The following DNAAF1 variants were observed in gnomAD, a reference collection of about 807,000 sequenced individuals.
DNAAF1 encodes dynein assembly factor 1, axonemal.
DNAAF1 carries 65 observed loss-of-function variants against 71.1 expected under a neutral mutation model. That is an observed-to-expected ratio of 0.91 (90% CI 0.75 to 1.12). DNAAF1 has a LOEUF of 1.12. DNAAF1 is among the 50% of genes most tolerant of loss of function. DNAAF1 has a pLI of 0.00. For synonymous variants in DNAAF1, 414 were observed against 354.6 expected (o/e 1.17, Z -1.88); for missense variants, 1,178 against 899.8 (o/e 1.31, Z -3.96).
intron 3 of DNAAF1, among the ~76,000 whole-genome samples, chr16:84,152,184 A>G (rs2151214774): frequency 6.6e-6 from 1 of 152,338 alleles, no homozygotes; most frequent in South Asian, 2.1e-4. Flanking sequence ...AGGGGAGAGC[A>G]ACAAGTTGGA....
In DNAAF1 at chr16:84,176,125, A is replaced by G. The variant is rs202145955; in HGVS notation, c.1891A>G (p.Arg631Gly). 2.2e-5 allele frequency: 36 copies of G among 1,613,980 alleles called. No individual in the cohort carries two copies. The highest frequency in any genetic ancestry group is 6.8e-6 in the Non-Finnish European group (8 of 1,179,968). Residue 631 changes from arginine to glycine, a missense_variant, in exon 11 of 12, where the codon AGG becomes GGG. Arg to Gly is a moderately radical substitution (Grantham distance 125). Transcript: ENST00000378553. Reference sequence around the variant, plus strand: ...AGACATCTTTAAAAAAGAAGCTAAGAGGGACTTGGAAATCCGAAAACAAGA... The same window carrying G: ...AGACATCTTTAAAAAAGAAGCTAAGGGGGACTTGGAAATCCGAAAACAAGA... ...FTDIFKKEAK[R>G]DLEIRKQDTK...
intron 11 of DNAAF1, chr16:84,177,176 GCCT>G: frequency 5.4e-6 from 1 of 185,808 alleles, no homozygotes; most frequent in South Asian, 1.1e-4. Flanking sequence ...ACACTGAGTG[GCCT>G]TCTCTTCCAC....
intron 1 of DNAAF1, among the ~76,000 whole-genome samples, chr16:84,148,658 G>C (rs2087040855): frequency 8.0e-6 from 1 of 125,150 alleles, no homozygotes; most frequent in Non-Finnish European, 1.6e-5. Context: ...GAGTACAGTG[G>C]TGTGAACACA....
Position 84,145,653 on chromosome 16 carries a change from T to A in DNAAF1, c.124+89T>A, listed in dbSNP as rs2086864328. ...CCTTCCCACACCACATACCCGATCTTCACAGCCAAATAATAACAATAATAA... is the reference window on the plus strand; with the variant it reads ...CCTTCCCACACCACATACCCGATCTACACAGCCAAATAATAACAATAATAA... On this transcript the variant is annotated intron_variant, in intron 1 of 11. Coordinates refer to ENST00000378553, the MANE Select transcript of DNAAF1 (RefSeq NM_178452.6). The A allele has an allele frequency of 2.1e-6, 3 of 1,436,428 alleles. No homozygotes were observed. The African/African-American group carries it at 4.3e-5, about 20-fold the overall frequency. The allele number at this position is 1,436,428 out of a possible 1,614,324, so 89.0% of individuals were successfully genotyped here. A position where few individuals can be genotyped will look rare whatever the true frequency, so the allele number is the denominator to read the frequency against.
At position 84,170,124 on chromosome 16, in the gene DNAAF1, G is replaced by A. The variant is rs9972733; in HGVS notation, c.1296G>A (p.Glu432=). Reference sequence around the variant, plus strand: ...CGTCACCTGTGGAGGTTAAAGGAGAGGACGGAGATGGAGAGCCAGAGGGGA... The same window carrying A: ...CGTCACCTGTGGAGGTTAAAGGAGAAGACGGAGATGGAGAGCCAGAGGGGA... ...LLSSPVEVKG[E]DGDGEPEGTL... is the part of the protein sequence containing the mutation. The change falls in exon 8 of 12, where the codon GAG becomes GAA. Residue 432 remains glutamate (E), a synonymous_variant. Transcript: ENST00000378553. 6.2e-7 allele frequency: 1 copy of A among 1,605,856 alleles called. No homozygotes were observed. Among genetic ancestry groups the A allele is most frequent in the Admixed American group, 1.7e-5 (1 of 59,526 alleles).
In DNAAF1 at chr16:84,177,793, T is replaced by C. The variant is rs1177484184; in HGVS notation, c.2130T>C (p.Ala710=). The change falls in exon 12 of 12, where the codon GCT becomes GCC. Residue 710 remains alanine, a synonymous_variant. Coordinates refer to ENST00000378553, the MANE Select transcript of DNAAF1 (RefSeq NM_178452.6). ...TCGGAGTTGCCCAGCCCAGCCAAGC[T>C]CTGCCCACGTGGGACCTCACTGCAT... ...TCVGVAQPSQ[A]LPTWDLTAFP... 1 of 1,614,064 alleles carries C rather than the reference T, an allele frequency of 6.2e-7. No homozygotes were observed. Among genetic ancestry groups the C allele is most frequent in the Non-Finnish European group, 8.5e-7 (1 of 1,179,990 alleles).
chr16:84,174,642 T>C, intron 9 of DNAAF1, 27 bp from the exon 10 acceptor site: 1 of 1,614,124 alleles, frequency 6.2e-7, no homozygotes, highest in Non-Finnish European at 8.5e-7. Context: ...ACCTCCCTGG[T>C]GATGTGCGGC....
intron 11 of DNAAF1, chr16:84,176,719 G>A (rs1256788077): frequency 4.8e-5 from 14 of 294,122 alleles, no homozygotes; most frequent in Non-Finnish European, 9.5e-5. Flanking sequence ...CAAGCGAGGT[G>A]ACAGCCACAC....
chr16:84,147,153 C>G (rs1269823943), intron 1 of DNAAF1, among the ~76,000 whole-genome samples: 1 of 152,128 alleles, frequency 6.6e-6, no homozygotes, highest in Non-Finnish European at 1.5e-5. Flanking sequence ...ATTAAATGTC[C>G]CAGCATATAG....
chr16:84,150,326 G>T lies in DNAAF1; in HGVS notation c.336G>T (p.Leu112=). The change falls in exon 3 of 12, where the codon CTG becomes CTT. Residue 112 remains leucine (L), a synonymous_variant. Coordinates refer to ENST00000378553, the MANE Select transcript of DNAAF1 (RefSeq NM_178452.6). ...LYITPALNDT[L]YLHFKGFDRI... Reference sequence around the variant, plus strand: ...TTACCCCAGCATTGAATGATACGCTGTATTTACACTTTAAAGGTAAGGACC... The same window carrying T: ...TTACCCCAGCATTGAATGATACGCTTTATTTACACTTTAAAGGTAAGGACC... 6.2e-7 allele frequency: 1 copy of T among 1,612,662 alleles called. No homozygotes were observed. Among genetic ancestry groups the T allele is most frequent in the African/African-American group, 1.3e-5 (1 of 75,016 alleles).
chr16:84,158,533 T>G (rs1323880292), intron 5 of DNAAF1, among the ~76,000 whole-genome samples: 1 of 152,194 alleles, frequency 6.6e-6, no homozygotes, highest in Non-Finnish European at 1.5e-5. Context: ...AACATGTGAA[T>G]TTTGATTAGG....
At chr16:84,158,507 T>C (rs1010885945) in intron 5 of DNAAF1, among the ~76,000 whole-genome samples, 1 of 152,218 alleles carries the variant, frequency 6.6e-6, no homozygotes, top group African/African-American at 2.4e-5. Flanking sequence ...TCTGAGGTGC[T>C]GAGGGTTTGG....
intron 9 of DNAAF1, chr16:84,173,105 T>G: frequency 1.0e-6 from 1 of 986,240 alleles, no homozygotes; most frequent in Non-Finnish European, 1.2e-6. Context: ...CACTTCCTTG[T>G]TAAACTTCTT....
intron 11 of DNAAF1, chr16:84,177,179 T>G (rs1016520460): frequency 2.0e-4 from 38 of 186,420 alleles, no homozygotes; most frequent in African/African-American, 8.2e-4. Context: ...CTGAGTGGCC[T>G]TCTCTTCCAC....
intron 10 of DNAAF1, 73 bp downstream of exon 10, chr16:84,174,795 C>T: frequency 1.3e-6 from 2 of 1,585,976 alleles, no homozygotes; most frequent in East Asian, 4.5e-5. Flanking sequence ...TACCGTTTCT[C>T]TCCTAAACTT....
intron 3 of DNAAF1, among the ~76,000 whole-genome samples, chr16:84,153,681 G>C (rs1327496949): frequency 6.6e-6 from 1 of 152,166 alleles, no homozygotes; most frequent in Non-Finnish European, 1.5e-5. Context: ...GTTGGTAATA[G>C]TAGGTCAAGG....
chr16:84,152,276 C>G (rs2087220679), intron 3 of DNAAF1, among the ~76,000 whole-genome samples: 1 of 151,984 alleles, frequency 6.6e-6, no homozygotes, highest in African/African-American at 2.4e-5. Context: ...TGTCAGAAAC[C>G]CAAGGGGACA....
At chr16:84,162,462 G>C (rs982210604) in intron 6 of DNAAF1, among the ~76,000 whole-genome samples, 2 of 151,934 alleles carry the variant, frequency 1.3e-5, no homozygotes, top group African/African-American at 4.8e-5. Flanking sequence ...CAATGGCTTT[G>C]AGTATATTCA....
intron 6 of DNAAF1, among the ~76,000 whole-genome samples, chr16:84,160,757 A>C (rs1167610025): frequency 6.6e-6 from 1 of 151,892 alleles, no homozygotes; most frequent in African/African-American, 2.4e-5. Context: ...ACACGGTGAA[A>C]CCGCGTCGCT....
Sources: allele counts gnomAD v4.1 joint callset (sites outside exome capture counted in the v4.1 genomes callset), GRCh38; gene constraint gnomAD v4.1.1; transcripts MANE v1.5; gene names NCBI Gene and HGNC (gene_info 2026-07-23, HGNC 2026-07-21).